The following IL20RB variants were observed in gnomAD, a reference collection of about 807,000 sequenced individuals.
IL20RB encodes the protein interleukin-20 receptor subunit beta.
A neutral mutation model predicts 33.3 loss-of-function variants in IL20RB; 21 were observed. The ratio of observed to expected loss-of-function variants is 0.63; its 90% CI spans 0.45 to 0.91. The LOEUF (loss-of-function observed/expected upper bound fraction) is 0.91. Among genes scored for constraint, IL20RB ranks in the 40% least tolerant of loss-of-function variants. The probability of loss-of-function intolerance (pLI) is 0.00; values close to 1 mark genes in which losing one functional copy is unlikely to be tolerated. For missense variants in IL20RB, 345 were observed against 384.8 expected (o/e 0.90, Z 0.86); for synonymous variants, 147 against 146.8 (o/e 1.00, Z -0.01).
intron 3 of IL20RB, among the ~76,000 whole-genome samples, chr3:136,987,899 C>A (rs915640106): frequency 6.6e-6 from 1 of 152,226 alleles, no homozygotes; most frequent in African/African-American, 2.4e-5. Context: ...CCCACCAAGC[C>A]CACGCCCACC....
chr3:137,004,071 T>C (rs1171653954), intron 6 of IL20RB, among the ~76,000 whole-genome samples: 2 of 152,188 alleles, frequency 1.3e-5, no homozygotes, highest in Non-Finnish European at 2.9e-5. Flanking sequence ...TGTTTATTGA[T>C]TTGTGTATGT....
Position 137,006,700 on chromosome 3 carries a change from G to A in IL20RB, c.826-3413G>A, listed in dbSNP as rs189663667. On this transcript the variant is annotated intron_variant, in intron 6 of 6. Transcript: ENST00000329582. ...TTTTTTCAAGGTTTTTAGCTTACTT[G>A]TGATGGGTTCCAACATCCTCCTTTA... 6.3e-3 allele frequency among the ~76,000 whole-genome samples: 966 copies of A among 152,170 alleles called. 6 individuals carry two copies. Among genetic ancestry groups the A allele is most frequent in the Non-Finnish European group, 9.1e-3 (619 of 67,996 alleles).
rs762308454 is a variant in IL20RB, at chr3:136,989,580, T to C, written c.531+15T>C. 1.2e-6 allele frequency: 2 copies of C among 1,613,242 alleles called. No individual in the cohort carries two copies. Among genetic ancestry groups the C allele is most frequent in the Non-Finnish European group, 1.7e-6 (2 of 1,179,552 alleles). On this transcript the variant is annotated intron_variant, in intron 4 of 6. Coordinates refer to ENST00000329582, the MANE Select transcript of IL20RB (RefSeq NM_144717.4). ...CTGGTGCCGAGGTGAGACTCCAGCCTTGGCCTTTGGGTCAGGCTTCGGGAA... is the reference window on the plus strand; with the variant it reads ...CTGGTGCCGAGGTGAGACTCCAGCCCTGGCCTTTGGGTCAGGCTTCGGGAA...
chr3:136,964,323 G>A (rs1392048234), intron 1 of IL20RB, among the ~76,000 whole-genome samples: 1 of 98,342 alleles, frequency 1.0e-5, no homozygotes, highest in Non-Finnish European at 2.0e-5. Flanking sequence ...GTGTAAAAGT[G>A]TTCCTATTTC....
chr3:136,993,648 C>A (rs1006344947), intron 5 of IL20RB, among the ~76,000 whole-genome samples: 3 of 151,910 alleles, frequency 2.0e-5, no homozygotes, highest in African/African-American at 7.3e-5. Context: ...TCAGTTCCCA[C>A]CTATGAGTGA....
intron 6 of IL20RB, among the ~76,000 whole-genome samples, chr3:136,995,953 A>G (rs1443013018): frequency 6.6e-6 from 1 of 152,186 alleles, no homozygotes; most frequent in East Asian, 1.9e-4. Flanking sequence ...GTTCCAACCC[A>G]ACTTATTCAA....
At chr3:137,006,431 T>G (rs1577035960) in intron 6 of IL20RB, among the ~76,000 whole-genome samples, 1 of 152,206 alleles carries the variant, frequency 6.6e-6, no homozygotes, top group Non-Finnish European at 1.5e-5. Flanking sequence ...TCTTTTCACA[T>G]AGTCCCATAT....
At chr3:136,962,585 T>G (rs1941251302) in intron 1 of IL20RB, among the ~76,000 whole-genome samples, 1 of 151,622 alleles carries the variant, frequency 6.6e-6, no homozygotes, top group Non-Finnish European at 1.5e-5. Flanking sequence ...AACCCCGTCT[T>G]TACTAAAAAT....
At chr3:136,961,780 G>A (rs1384768850) in intron 1 of IL20RB, among the ~76,000 whole-genome samples, 1 of 152,132 alleles carries the variant, frequency 6.6e-6, no homozygotes, top group East Asian at 1.9e-4. Context: ...TTAGCATTCA[G>A]GGAAGTTGGG....
At chr3:136,960,368 G>A (rs1229291377) in intron 1 of IL20RB, among the ~76,000 whole-genome samples, 1 of 151,918 alleles carries the variant, frequency 6.6e-6, no homozygotes, top group African/African-American at 2.4e-5. Flanking sequence ...GGATGGTCTC[G>A]ATCTCTTGAC....
intron 1 of IL20RB, among the ~76,000 whole-genome samples, chr3:136,975,319 G>A (rs1409769744): frequency 4.6e-5 from 7 of 151,634 alleles, no homozygotes; most frequent in Admixed American, 2.6e-4. Context: ...TACAGCATTT[G>A]GCATTTATTT....
Position 136,992,054 on chromosome 3 carries a change from C to G in IL20RB, c.648C>G (p.Ser216Arg), listed in dbSNP as rs371632444. The change falls in exon 5 of 7, where the codon AGC becomes AGG. Residue 216 changes from serine to arginine, a missense_variant. Coordinates refer to ENST00000329582, the MANE Select transcript of IL20RB (RefSeq NM_144717.4). Reference sequence around the variant, plus strand: ...TCGTGAAGGCCATTGGGAGGTACAGCGCCTTCAGCCAGACAGAATGTGTGG... The same window carrying G: ...TCGTGAAGGCCATTGGGAGGTACAGGGCCTTCAGCCAGACAGAATGTGTGG... ...QTFVKAIGRY[S>R]AFSQTECVEV... 6.2e-7 allele frequency: 1 copy of G among 1,614,144 alleles called. No homozygotes were observed. Among genetic ancestry groups the G allele is most frequent in the Middle Eastern group, 1.7e-4 (1 of 6,058 alleles).
At chr3:137,003,376 A>G (rs1470532016) in intron 6 of IL20RB, among the ~76,000 whole-genome samples, 1 of 152,096 alleles carries the variant, frequency 6.6e-6, no homozygotes, top group Admixed American at 6.6e-5. Context: ...GGCCATTTTC[A>G]CGATATTGAT....
At chr3:137,007,190 A>T (rs1942366278) in intron 6 of IL20RB, among the ~76,000 whole-genome samples, 1 of 151,668 alleles carries the variant, frequency 6.6e-6, no homozygotes, top group East Asian at 2.0e-4. Context: ...TGCCTGTATG[A>T]GGTGTCTGTC....
At chr3:137,003,364 A>G (rs1942285025) in intron 6 of IL20RB, among the ~76,000 whole-genome samples, 1 of 152,150 alleles carries the variant, frequency 6.6e-6, no homozygotes, top group African/African-American at 2.4e-5. Context: ...TTTGGGCAGT[A>G]TGGCCATTTT....
intron 2 of IL20RB, 25 bp downstream of exon 2, chr3:136,980,617 T>C: frequency 1.2e-6 from 2 of 1,613,732 alleles, no homozygotes; most frequent in Non-Finnish European, 1.7e-6. Flanking sequence ...TTAATAGTTC[T>C]TCTCCCTTAA....
At position 136,995,484 on chromosome 3, in the gene IL20RB, A is replaced by G. The variant is rs1346403777; in HGVS notation, c.753A>G (p.Pro251=). The G allele has an allele frequency of 1.2e-6, 2 of 1,614,072 alleles. No individual in the cohort carries two copies. The highest frequency in any genetic ancestry group is 2.2e-5 in the South Asian group (2 of 91,072). ...VGFMLILVVV[P]LFVWKMGRLL... is the part of the protein sequence containing the mutation. ...TCATGCTGATCCTTGTGGTCGTGCC[A>G]CTGTTCGTCTGGAAAATGGGCCGGC... Residue 251 remains proline, a synonymous_variant, in exon 6 of 7, where the codon CCA becomes CCG. Coordinates refer to ENST00000329582, the MANE Select transcript of IL20RB (RefSeq NM_144717.4).
intron 5 of IL20RB, among the ~76,000 whole-genome samples, chr3:136,994,832 A>G (rs939431055): frequency 6.6e-6 from 1 of 152,128 alleles, no homozygotes; most frequent in Non-Finnish European, 1.5e-5. Context: ...GGATACTCAC[A>G]CTCATTGTGA....
At chr3:136,978,327 A>C (rs1473524083) in intron 1 of IL20RB, among the ~76,000 whole-genome samples, 5 of 151,830 alleles carry the variant, frequency 3.3e-5, no homozygotes, top group Non-Finnish European at 5.9e-5. Flanking sequence ...CACCACACCC[A>C]GCTAATTTTT....
Sources: allele counts gnomAD v4.1 joint callset (sites outside exome capture counted in the v4.1 genomes callset), GRCh38; gene constraint gnomAD v4.1.1; transcripts MANE v1.5; gene names NCBI Gene and HGNC (gene_info 2026-07-23, HGNC 2026-07-21).